The following RYR2 variants were observed in gnomAD, a reference collection of about 807,000 sequenced individuals.
The protein encoded by RYR2 is ryanodine receptor 2, also known as cardiac muscle ryanodine receptor-calcium release channel.
Under a neutral mutation model 601.1 loss-of-function variants are expected in RYR2, and 227 were observed. The ratio of observed to expected loss-of-function variants is 0.38; its 90% CI spans 0.34 to 0.42. The LOEUF (loss-of-function observed/expected upper bound fraction) is 0.42. Among genes scored for constraint, RYR2 ranks in the 10% least tolerant of loss-of-function variants. RYR2 has a pLI of 1.00. For missense variants in RYR2, 4,646 were observed against 6,156.5 expected (o/e 0.75, Z 8.21); for synonymous variants, 2,223 against 2,175.1 (o/e 1.02, Z -0.61).
rs565557002 is a variant in RYR2 at position 237,127,746 on chromosome 1, G to A, written c.48+85177G>A. On this transcript the variant is annotated intron_variant, in intron 1 of 104. Transcript: ENST00000366574. Reference sequence around the variant, plus strand: ...CAGAGGTGCTCCTCACATCCCAGACGGGGCGGCGGGGCAGAGGCGCTCCTC... The same window carrying A: ...CAGAGGTGCTCCTCACATCCCAGACAGGGCGGCGGGGCAGAGGCGCTCCTC... Among the ~76,000 whole-genome samples, 9 of 151,518 alleles carry A rather than the reference G, an allele frequency of 5.9e-5. No homozygotes were observed. The South Asian group carries it at 1.7e-3, about 28-fold the overall frequency.
At chr1:237,553,355 G>A (rs560608390) in intron 27 of RYR2, among the ~76,000 whole-genome samples, 23 of 152,038 alleles carry the variant, frequency 1.5e-4, no homozygotes, top group Non-Finnish European at 2.8e-4. Context: ...TTACCTTGGC[G>A]TCTTAGTCAA....
intron 41 of RYR2, 33 bp downstream of exon 41, chr1:237,628,113 C>A: frequency 6.2e-7 from 1 of 1,601,370 alleles, no homozygotes. Flanking sequence ...CCCTTTGTCT[C>A]GTAAATGTTT....
chr1:237,746,925 C>G (rs1692130073), intron 80 of RYR2, among the ~76,000 whole-genome samples: 1 of 151,808 alleles, frequency 6.6e-6, no homozygotes, highest in South Asian at 2.1e-4. Flanking sequence ...TTTTTCTCAC[C>G]TAGATCAACA....
At chr1:237,656,415 G>C (rs564882896) in intron 53 of RYR2, among the ~76,000 whole-genome samples, 2 of 152,226 alleles carry the variant, frequency 1.3e-5, no homozygotes, top group African/African-American at 4.8e-5. Context: ...TCTCAGCAAG[G>C]CCCAGGGTTA....
chr1:237,657,138 G>T (rs1165753276), intron 53 of RYR2, among the ~76,000 whole-genome samples: 1 of 152,058 alleles, frequency 6.6e-6, no homozygotes, highest in Non-Finnish European at 1.5e-5. Flanking sequence ...ACAGATACAG[G>T]TTTATGTGGT....
In RYR2 at chr1:237,417,140, AAC is replaced by A; in HGVS notation, c.848+21_848+22del. 1.9e-6 allele frequency: 3 copies of A among 1,593,956 alleles called. No homozygotes were observed. Among genetic ancestry groups the A allele is most frequent in the Non-Finnish European group, 2.6e-6 (3 of 1,161,884 alleles). ...AAGAGTTGCGTAAGTAGAACTTCTA[AAC>A]ACAGCCTAATGCACCAAGTGTACCA... On this transcript the variant is annotated intron_variant, in intron 11 of 104. Transcript: ENST00000366574.
At chr1:237,413,241 C>T (rs964944735) in intron 10 of RYR2, among the ~76,000 whole-genome samples, 4 of 152,036 alleles carry the variant, frequency 2.6e-5, no homozygotes, top group Non-Finnish European at 2.9e-5. Flanking sequence ...ATTCTCTATA[C>T]CTGCCAATGA....
intron 1 of RYR2, among the ~76,000 whole-genome samples, chr1:237,141,674 C>T (rs182860074): frequency 8.5e-4 from 130 of 152,334 alleles, no homozygotes; most frequent in African/African-American, 2.2e-3. Flanking sequence ...TGGGCGGCAG[C>T]GGGACAGCTT....
At chr1:237,636,886 A>G (rs1023444169) in intron 44 of RYR2, among the ~76,000 whole-genome samples, 1 of 152,230 alleles carries the variant, frequency 6.6e-6, no homozygotes, top group African/African-American at 2.4e-5. Flanking sequence ...CATATGCTAC[A>G]GTGTGAATGA....
At chr1:237,163,770 T>C (rs1324032729) in intron 1 of RYR2, among the ~76,000 whole-genome samples, 1 of 152,150 alleles carries the variant, frequency 6.6e-6, no homozygotes, top group Admixed American at 6.5e-5. Flanking sequence ...TGATCAACAA[T>C]TGAGAGGTCT....
intron 1 of RYR2, among the ~76,000 whole-genome samples, chr1:237,105,098 A>G (rs1328068361): frequency 2.0e-5 from 3 of 152,172 alleles, no homozygotes; most frequent in African/African-American, 4.8e-5. Context: ...CATGAGTCTC[A>G]GTGCCGGCAA....
chr1:237,430,227 G>T (rs1706664971), intron 12 of RYR2, among the ~76,000 whole-genome samples: 1 of 149,930 alleles, frequency 6.7e-6, no homozygotes, highest in Admixed American at 6.7e-5. Flanking sequence ...AATATATGTT[G>T]AATATGTTAT....
intron 1 of RYR2, among the ~76,000 whole-genome samples, chr1:237,202,039 G>T (rs991270180): frequency 6.6e-6 from 1 of 152,192 alleles, no homozygotes; most frequent in South Asian, 2.1e-4. Context: ...AGAGAAATGG[G>T]AGAAATAGGG....
rs1705085018 is a variant in RYR2, at chr1:237,417,130, A to G, written c.848+7A>G. On this transcript the variant is annotated splice_region_variant and intron_variant, in intron 11 of 104. Transcript: ENST00000366574. ...TAGAGACGCTAAGAGTTGCGTAAGT[A>G]GAACTTCTAAACACAGCCTAATGCA... 6.2e-7 allele frequency: 1 copy of G among 1,610,014 alleles called. No individual in the cohort carries two copies. Among genetic ancestry groups the G allele is most frequent in the East Asian group, 2.2e-5 (1 of 44,828 alleles).
chr1:237,282,939 T>C (rs1484482473), intron 2 of RYR2, among the ~76,000 whole-genome samples: 4 of 152,208 alleles, frequency 2.6e-5, no homozygotes, highest in Non-Finnish European at 5.9e-5. Context: ...ATTTGAAAGA[T>C]GAAGGGAGCT....
intron 57 of RYR2, among the ~76,000 whole-genome samples, chr1:237,667,506 C>T (rs1684431755): frequency 1.3e-5 from 2 of 152,136 alleles, no homozygotes. Flanking sequence ...TTTGACTGTC[C>T]ATCTAACATT....
At chr1:237,144,289 C>T (rs1266853168) in intron 1 of RYR2, among the ~76,000 whole-genome samples, 4 of 152,104 alleles carry the variant, frequency 2.6e-5, no homozygotes, top group Non-Finnish European at 4.4e-5. Flanking sequence ...AAAGAGGACT[C>T]GACAGCACTA....
In RYR2 at chr1:237,595,662, G is replaced by A. The variant is rs1453761148; in HGVS notation, c.4596+5G>A. 3 of 1,606,976 alleles carry A rather than the reference G, an allele frequency of 1.9e-6. No individual in the cohort carries two copies. Among genetic ancestry groups the A allele is most frequent in the Admixed American group, 1.7e-5 (1 of 58,246 alleles). On this transcript the variant is annotated splice_donor_5th_base_variant and intron_variant, in intron 34 of 104. Transcript: ENST00000366574. ...GAACTGAGCACATACTATCAGGTAC[G>A]CGGTCAGTGATGATATCAGTCTTCT...
At chr1:237,102,593 C>T (rs1205814900) in intron 1 of RYR2, among the ~76,000 whole-genome samples, 4 of 152,154 alleles carry the variant, frequency 2.6e-5, no homozygotes, top group African/African-American at 7.2e-5. Context: ...TGGTGGCTAA[C>T]GCCTGTAATC....
Sources: gnomAD v4.1 joint callset for allele counts (sites outside exome capture counted in the v4.1 genomes callset) on GRCh38, gnomAD v4.1.1 for gene constraint, MANE v1.5 for transcripts, NCBI Gene and HGNC (gene_info 2026-07-23, HGNC 2026-07-21) for gene names.